Variants in TCEANC2 observed in about 807,000 individuals in gnomAD.
The protein encoded by TCEANC2 is transcription elongation factor A N-terminal and central domain-containing protein 2.
TCEANC2 carries 20 observed loss-of-function variants against 22.8 expected under a neutral mutation model. That is an observed-to-expected ratio of 0.88 (90% confidence interval 0.62 to 1.28). The LOEUF (loss-of-function observed/expected upper bound fraction) is 1.28, where lower values mean the gene tolerates loss of function less well. Ranked by LOEUF, TCEANC2 falls within the 50% of genes most tolerant of loss-of-function variation. TCEANC2 has a pLI of 0.00. For synonymous variants in TCEANC2, 84 were observed against 95.5 expected (o/e 0.88, Z 0.70); for missense variants, 251 against 249.7 (o/e 1.01, Z -0.03).
At position 54,096,435 on chromosome 1, in the gene TCEANC2, C is replaced by G; in HGVS notation, c.589C>G (p.Leu197Val). Residue 197 changes from leucine to valine, a missense_variant, in exon 5 of 5, where the codon CTG becomes GTG. Physicochemically the swap from Leu to Val is conservative, Grantham distance 32 (BLOSUM62 1). Coordinates refer to ENST00000234827, the MANE Select transcript of TCEANC2 (RefSeq NM_153035.3). This position sits in a 1 kb window ranked among gnomAD's most constrained non-coding sequence, Gnocchi z 4.9. ...CCGGGCTCAGGTGAAGAGCGGCTCG[C>G]TGCCAGTCGGCACGTTTGTACAGAC... ...EIRAQVKSGS[L>V]PVGTFVQTHK... 1 of 1,612,508 alleles carries G rather than the reference C, an allele frequency of 6.2e-7. No homozygotes were observed. The highest frequency in any genetic ancestry group is 8.5e-7 in the Non-Finnish European group (1 of 1,178,614).
At chr1:54,095,502 C>T (rs1005028900) in intron 4 of TCEANC2, among the ~76,000 whole-genome samples, 3 of 152,082 alleles carry the variant, frequency 2.0e-5, no homozygotes, top group African/African-American at 4.8e-5. Flanking sequence ...GGATTCAGAC[C>T]GTGTAGACAA....
intron 3 of TCEANC2, among the ~76,000 whole-genome samples, chr1:54,087,329 A>G (rs1391281499): frequency 6.6e-6 from 1 of 152,198 alleles, no homozygotes; most frequent in Non-Finnish European, 1.5e-5. Context: ...AACATACACA[A>G]AAATAAAGAG....
Position 54,096,555 on chromosome 1 carries a change from G to A in TCEANC2, c.*82G>A. The A allele has an allele frequency of 1.3e-6, 2 of 1,503,008 alleles. No individual in the cohort carries two copies. The highest frequency in any genetic ancestry group is 1.8e-6 in the Non-Finnish European group (2 of 1,120,824). 93.1% of individuals were successfully genotyped at this position (1,503,008 alleles called of 1,614,324 possible). On this transcript the variant is annotated 3_prime_UTR_variant, in exon 5 of 5. Transcript: ENST00000234827. This position sits in a 1 kb window ranked among gnomAD's most constrained non-coding sequence, Gnocchi z 4.9. ...CGTTCAAAGACGCTTTTGAGTTTGG[G>A]TGATGGCTGATGCTGGCTGTGCTAG...
intron 4 of TCEANC2, among the ~76,000 whole-genome samples, chr1:54,089,238 C>T (rs1658397340): frequency 6.6e-6 from 1 of 152,194 alleles, no homozygotes; most frequent in Admixed American, 6.5e-5. Flanking sequence ...ATGTTGGTTA[C>T]TTCCCATTTA....
At chr1:54,094,428 C>G (rs1163939518) in intron 4 of TCEANC2, among the ~76,000 whole-genome samples, 1 of 152,192 alleles carries the variant, frequency 6.6e-6, no homozygotes, top group East Asian at 1.9e-4. Flanking sequence ...GTGAATTTAT[C>G]ACAAAGTAAA....
At chr1:54,108,865 G>A (rs1046600667), downstream of TCEANC2, among the ~76,000 whole-genome samples, 16 of 152,224 alleles carry the variant, frequency 1.1e-4, no homozygotes, top group African/African-American at 3.4e-4. Context: ...CCAGCTACTC[G>A]GGAGGCTGAG....
intron 4 of TCEANC2, among the ~76,000 whole-genome samples, chr1:54,090,801 G>A (rs977032756): frequency 3.3e-5 from 5 of 152,148 alleles, no homozygotes; most frequent in African/African-American, 1.2e-4. Context: ...AACATACAGT[G>A]TGGATATATA....
At chr1:54,078,884 G>T (rs1295655598) in intron 3 of TCEANC2, among the ~76,000 whole-genome samples, 1 of 152,184 alleles carries the variant, frequency 6.6e-6, no homozygotes, top group African/African-American at 2.4e-5. Flanking sequence ...ACATGGACAT[G>T]CAGGCCAAAG....
chr1:54,109,184 A>G (rs191711298), downstream of TCEANC2, among the ~76,000 whole-genome samples: 1 of 152,322 alleles, frequency 6.6e-6, no homozygotes, highest in African/African-American at 2.4e-5. Context: ...CCCGGAGGGT[A>G]TCAGGAAAGG....
At chr1:54,075,994 C>T (rs1658136100) in intron 3 of TCEANC2, among the ~76,000 whole-genome samples, 1 of 150,892 alleles carries the variant, frequency 6.6e-6, no homozygotes, top group Non-Finnish European at 1.5e-5. Flanking sequence ...TGCCACCGCA[C>T]TCCAGCTTGG....
intron 2 of TCEANC2, among the ~76,000 whole-genome samples, chr1:54,067,533 A>G (rs1430306337): frequency 6.6e-6 from 1 of 152,258 alleles, no homozygotes; most frequent in Non-Finnish European, 1.5e-5. Flanking sequence ...ACTATGTTAA[A>G]GTAAGGCTTT....
chr1:54,108,955 A>G (rs570371428), downstream of TCEANC2, among the ~76,000 whole-genome samples: 1 of 152,148 alleles, frequency 6.6e-6, no homozygotes, highest in South Asian at 2.1e-4. Context: ...CTGGGTGACA[A>G]AGCAAGACTC....
At position 54,096,406 on chromosome 1, in the gene TCEANC2, A is replaced by T. The variant is rs1194585344; in HGVS notation, c.560A>T (p.Glu187Val). ...GTCTTCACATTAAAGCACCGAGCTGAAATCCGGGCTCAGGTGAAGAGCGGC... is the reference window on the plus strand; with the variant it reads ...GTCTTCACATTAAAGCACCGAGCTGTAATCCGGGCTCAGGTGAAGAGCGGC... ...ALVFTLKHRA[E>V]IRAQVKSGSL... Residue 187 changes from glutamate to valine, a missense_variant, in exon 5 of 5, where the codon GAA (glutamate) becomes GTA (valine). Coordinates refer to ENST00000234827, the MANE Select transcript of TCEANC2 (RefSeq NM_153035.3). This position sits in a 1 kb window ranked among gnomAD's most constrained non-coding sequence, Gnocchi z 4.9. 6.2e-7 allele frequency: 1 copy of T among 1,613,506 alleles called. No homozygotes were observed. Among genetic ancestry groups the T allele is most frequent in the Non-Finnish European group, 8.5e-7 (1 of 1,179,484 alleles).
At chr1:54,110,553 G>A (rs532808171), downstream of TCEANC2, among the ~76,000 whole-genome samples, 5 of 152,186 alleles carry the variant, frequency 3.3e-5, no homozygotes, top group African/African-American at 1.2e-4. Flanking sequence ...ACAGTGAGCC[G>A]TAATTGCGCC....
chr1:54,096,276 G>C lies in TCEANC2; in HGVS notation c.439-9G>C, dbSNP rs1557695145. Reference sequence around the variant, plus strand: ...AAGGCTCTAATTTGATAATTTTGCTGTTTTTTAGATGGATCACCTACTGGT... The same window carrying C: ...AAGGCTCTAATTTGATAATTTTGCTCTTTTTTAGATGGATCACCTACTGGT... On this transcript the variant is annotated splice_polypyrimidine_tract_variant and intron_variant, in intron 4 of 4. Coordinates refer to ENST00000234827, the MANE Select transcript of TCEANC2 (RefSeq NM_153035.3). This position sits in a 1 kb window ranked among gnomAD's most constrained non-coding sequence, Gnocchi z 4.9. 6.3e-7 allele frequency: 1 copy of C among 1,582,440 alleles called. No homozygotes were observed. Among genetic ancestry groups the C allele is most frequent in the Middle Eastern group, 1.7e-4 (1 of 5,948 alleles).
chr1:54,083,219 C>T (rs769389224), intron 3 of TCEANC2, among the ~76,000 whole-genome samples: 1 of 152,070 alleles, frequency 6.6e-6, no homozygotes, highest in Non-Finnish European at 1.5e-5. Flanking sequence ...TATTTGGTCT[C>T]GTGCTCAGTG....
At chr1:54,080,625 C>T (rs1028155703) in intron 3 of TCEANC2, among the ~76,000 whole-genome samples, 6 of 152,234 alleles carry the variant, frequency 3.9e-5, no homozygotes, top group African/African-American at 1.4e-4. Context: ...TGTCCCCTGA[C>T]TTTCCTAGAG....
At chr1:54,093,888 C>T (rs920265907) in intron 4 of TCEANC2, among the ~76,000 whole-genome samples, 1 of 152,072 alleles carries the variant, frequency 6.6e-6, no homozygotes, top group East Asian at 1.9e-4. Context: ...TGGAGACTAA[C>T]CAGCCTCATA....
chr1:54,099,210 T>C lies in TCEANC2; in HGVS notation c.*2737T>C, dbSNP rs1438548879. 1 of 152,286 alleles carries C rather than the reference T, an allele frequency of 6.6e-6. No homozygotes were observed. The highest frequency in any genetic ancestry group is 1.5e-5 in the Non-Finnish European group (1 of 68,052). The allele number at this position is 152,286 out of a possible 1,614,324, so 9.4% of individuals were successfully genotyped here. A position where few individuals can be genotyped will look rare whatever the true frequency, so the allele number is the denominator to read the frequency against. On this transcript the variant is annotated 3_prime_UTR_variant, in exon 5 of 5. Coordinates refer to ENST00000234827, the MANE Select transcript of TCEANC2 (RefSeq NM_153035.3). Reference sequence around the variant, plus strand: ...AGTAAGTTGAAAACAAATTGCTCTCTGGCTGAAAGCCTTCAGTGGTGATAG... The same window carrying C: ...AGTAAGTTGAAAACAAATTGCTCTCCGGCTGAAAGCCTTCAGTGGTGATAG...
Sources: allele counts gnomAD v4.1 joint callset (sites outside exome capture counted in the v4.1 genomes callset), GRCh38; gene constraint gnomAD v4.1.1; non-coding constraint Gnocchi (gnomAD v3.1); transcripts MANE v1.5; gene names NCBI Gene and HGNC (gene_info 2026-07-23, HGNC 2026-07-21).